The following EXOC1 variants were observed in gnomAD, a reference collection of about 807,000 sequenced individuals.
EXOC1 encodes the protein SEC3-like 1.
Under a neutral mutation model 107.7 loss-of-function variants are expected in EXOC1, and 67 were observed. The ratio of observed to expected loss-of-function variants is 0.62; its 90% CI spans 0.51 to 0.76. EXOC1 has a LOEUF of 0.76. Among genes scored for constraint, EXOC1 ranks in the 30% least tolerant of loss-of-function variants. The probability of loss-of-function intolerance (pLI) is 0.00; values close to 1 mark genes in which losing one functional copy is unlikely to be tolerated. For synonymous variants in EXOC1, 348 were observed against 353.5 expected, an observed-to-expected ratio of 0.98 and a Z score of 0.17; for missense variants, 833 against 1,055.7, an observed-to-expected ratio of 0.79 and a Z score of 2.92.
At chr4:55,894,112 G>A (rs1724905290) in intron 15 of EXOC1, among the ~76,000 whole-genome samples, 1 of 152,104 alleles carries the variant, frequency 6.6e-6, no homozygotes, top group South Asian at 2.1e-4. Flanking sequence ...ATCACCTGAG[G>A]TCAGGAGTTC....
chr4:55,873,450 A>G (rs1722623339), intron 8 of EXOC1, among the ~76,000 whole-genome samples: 1 of 152,180 alleles, frequency 6.6e-6, no homozygotes, highest in Non-Finnish European at 1.5e-5. Flanking sequence ...GTTTTTAAAA[A>G]TGACACTGTT....
chr4:55,861,705 T>C (rs1469623341), intron 3 of EXOC1, among the ~76,000 whole-genome samples: 3 of 152,188 alleles, frequency 2.0e-5, no homozygotes, highest in African/African-American at 7.2e-5. Flanking sequence ...AGAAACAGGA[T>C]TTGACAGAAA....
At chr4:55,877,494 A>C (rs1291332148) in intron 8 of EXOC1, 13 of 984,916 alleles carry the variant, frequency 1.3e-5, no homozygotes, top group Non-Finnish European at 1.2e-6. Flanking sequence ...AAATATTACA[A>C]ACTCTAATGG....
intron 2 of EXOC1, among the ~76,000 whole-genome samples, chr4:55,858,997 A>G (rs965412112): frequency 1.3e-5 from 2 of 152,136 alleles, no homozygotes; most frequent in African/African-American, 4.8e-5. Flanking sequence ...ATATTTTCCT[A>G]AATTCAAAAG....
intron 11 of EXOC1, 87 bp downstream of exon 11, chr4:55,889,019 C>T: frequency 2.1e-6 from 3 of 1,411,370 alleles, no homozygotes; most frequent in Non-Finnish European, 3.0e-6. Flanking sequence ...AAGGTAACAC[C>T]AAAAATTTTG....
At chr4:55,877,724 T>A in intron 8 of EXOC1, 193 bp from the exon 9 acceptor site, 1 of 985,398 alleles carries the variant, frequency 1.0e-6, no homozygotes, top group Non-Finnish European at 1.2e-6. Flanking sequence ...ATGGTGGTAA[T>A]GTTCATTTGA....
chr4:55,887,001 A>G (rs1723950003), intron 10 of EXOC1, among the ~76,000 whole-genome samples: 1 of 152,146 alleles, frequency 6.6e-6, no homozygotes, highest in Non-Finnish European at 1.5e-5. Context: ...GCCTTTTTAA[A>G]TAGATTTATT....
chr4:55,860,047 G>T (rs1041226479), intron 2 of EXOC1, among the ~76,000 whole-genome samples: 2 of 152,118 alleles, frequency 1.3e-5, no homozygotes, highest in African/African-American at 4.8e-5. Context: ...AACATAGTAA[G>T]AACTTTATAT....
At chr4:55,875,282 T>C (rs974058644) in intron 8 of EXOC1, among the ~76,000 whole-genome samples, 5 of 152,216 alleles carry the variant, frequency 3.3e-5, no homozygotes, top group Admixed American at 6.5e-5. Flanking sequence ...AAACACGGAT[T>C]GATGATCTCT....
chr4:55,877,573 G>T (rs1723017501), intron 8 of EXOC1: 1 of 985,208 alleles, frequency 1.0e-6, no homozygotes, highest in Admixed American at 6.1e-5. Context: ...GCTATATCAA[G>T]AAGGTCATTT....
chr4:55,863,690 G>A (rs2110320090), intron 3 of EXOC1, among the ~76,000 whole-genome samples: 2 of 152,156 alleles, frequency 1.3e-5, no homozygotes, highest in East Asian at 3.8e-4. Context: ...TTTCAAAATA[G>A]AAAATAATTA....
intron 15 of EXOC1, among the ~76,000 whole-genome samples, chr4:55,894,306 CAA>C (rs984433027): frequency 7.4e-6 from 1 of 135,346 alleles, no homozygotes; most frequent in African/African-American, 2.8e-5. Flanking sequence ...GCCTGGGTGA[CAA>C]GAGTGAAGAC....
chr4:55,896,654 T>A (rs747031305), intron 15 of EXOC1, 63 bp from the exon 16 acceptor site: 3 of 1,311,184 alleles, frequency 2.3e-6, no homozygotes, highest in Middle Eastern at 2.8e-4. Context: ...TATTTTGTTA[T>A]GATTATATGT....
At chr4:55,856,814 G>C (rs1721010840) in intron 1 of EXOC1, among the ~76,000 whole-genome samples, 1 of 152,104 alleles carries the variant, frequency 6.6e-6, no homozygotes, top group African/African-American at 2.4e-5. Flanking sequence ...TTTTATAACA[G>C]TTTTATTGAG....
At chr4:55,860,343 C>G (rs1721356806) in intron 2 of EXOC1, 68 bp from the exon 3 acceptor site, 13 of 1,587,444 alleles carry the variant, frequency 8.2e-6, no homozygotes, top group East Asian at 2.3e-5. Flanking sequence ...GCTATACTTG[C>G]AATGAGTGAA....
chr4:55,904,249 C>G, intron 18 of EXOC1, 94 bp from the exon 19 acceptor site: 1 of 1,274,914 alleles, frequency 7.8e-7, no homozygotes, highest in Non-Finnish European at 1.1e-6. Context: ...ACTATACTAC[C>G]CAAATTCTTA....
chr4:55,875,151 G>A (rs570686102), intron 8 of EXOC1, among the ~76,000 whole-genome samples: 47 of 152,206 alleles, frequency 3.1e-4, no homozygotes, highest in African/African-American at 1.1e-3. Context: ...ATATGCTTAA[G>A]TTTAGAAATT....
intron 4 of EXOC1, among the ~76,000 whole-genome samples, chr4:55,864,877 A>G (rs1193255383): frequency 1.3e-5 from 2 of 152,180 alleles, no homozygotes; most frequent in African/African-American, 2.4e-5. Flanking sequence ...CCCTTGTAGC[A>G]GTATTTTTGT....
chr4:55,862,411 C>T (rs1721564451), intron 3 of EXOC1, among the ~76,000 whole-genome samples: 1 of 151,922 alleles, frequency 6.6e-6, no homozygotes, highest in Non-Finnish European at 1.5e-5. Flanking sequence ...TAACATTAGC[C>T]ATTTAGTATC....
Sources: allele counts gnomAD v4.1 joint callset (sites outside exome capture counted in the v4.1 genomes callset), GRCh38; gene constraint gnomAD v4.1.1; transcripts MANE v1.5; gene names NCBI Gene and HGNC (gene_info 2026-07-23, HGNC 2026-07-21).